LAMA2: variants seen among roughly 807,000 people sequenced by gnomAD.
LAMA2 encodes laminin subunit alpha 2.
In LAMA2, 269 loss-of-function variants were observed where a neutral mutation model predicts 364.8. That is an observed-to-expected ratio of 0.74 (90% confidence interval 0.67 to 0.82). The LOEUF (loss-of-function observed/expected upper bound fraction) is 0.82. LAMA2 is among the 40% of genes least tolerant of loss of function. The pLI is 0.00. For synonymous variants in LAMA2, 1,379 were observed against 1,370.6 expected, an observed-to-expected ratio of 1.01 and a Z score of -0.14; for missense variants, 3,807 against 3,873.2, an observed-to-expected ratio of 0.98 and a Z score of 0.45.
intron 29 of LAMA2, among the ~76,000 whole-genome samples, chr6:129,328,703 T>G (rs1320033014): frequency 6.6e-6 from 1 of 152,196 alleles, no homozygotes; most frequent in Non-Finnish European, 1.5e-5. Flanking sequence ...CTGATTATTT[T>G]CTTATAAATA....
rs866449854 is a variant in LAMA2, at chr6:129,401,265, G to A, written c.5487G>A (p.Glu1829=). The A allele has an allele frequency of 6.2e-7, 1 of 1,612,656 alleles. No individual in the cohort carries two copies. The highest frequency in any genetic ancestry group is 1.6e-4 in the Middle Eastern group (1 of 6,062). Residue 1829 remains glutamate, a synonymous_variant, in exon 38 of 65, where the codon GAG becomes GAA. Transcript: ENST00000421865. ...EAVESGKRQI[E]NTLKEGNDIL... is the part of the protein sequence containing the mutation. ...TTGAAAGCGGCAAACGACAAATTGA[G>A]AACACTTTAAAAGAGGGCAATGACA...
intron 1 of LAMA2, among the ~76,000 whole-genome samples, chr6:128,914,310 C>G (rs943961607): frequency 2.0e-5 from 3 of 152,118 alleles, no homozygotes; most frequent in African/African-American, 7.2e-5. Flanking sequence ...GAGATAAATG[C>G]TACTTAAATA....
rs1254930934 is a variant in LAMA2 at position 129,338,051 on chromosome 6, A to C, written c.4312-4292A>C. On this transcript the variant is annotated intron_variant, in intron 29 of 64. Coordinates refer to ENST00000421865, the MANE Select transcript of LAMA2 (RefSeq NM_000426.4). The stretch of plus-strand genomic sequence containing the variant: ...GTCAGCAACCCTCTGAAAGATTGAG[A>C]AGATTGACTGTCCAGAGAATATTAC... Among the ~76,000 whole-genome samples, 4 of 152,322 alleles carry C rather than the reference A, an allele frequency of 2.6e-5. No homozygotes were observed. The East Asian group carries it at 7.7e-4, about 29-fold the overall frequency.
intron 31 of LAMA2, among the ~76,000 whole-genome samples, chr6:129,352,843 A>G (rs1378686821): frequency 3.3e-5 from 5 of 152,194 alleles, no homozygotes; most frequent in African/African-American, 1.2e-4. Flanking sequence ...TTCAAACCTC[A>G]GGAAGAATCC....
chr6:129,374,966 C>T (rs1393239863), intron 34 of LAMA2, among the ~76,000 whole-genome samples: 2 of 151,324 alleles, frequency 1.3e-5, no homozygotes, highest in Admixed American at 6.6e-5. Context: ...GATTTAAGAG[C>T]ACATGTCAAG....
At chr6:129,485,964 C>A (rs1323228505) in intron 55 of LAMA2, among the ~76,000 whole-genome samples, 1 of 152,154 alleles carries the variant, frequency 6.6e-6, no homozygotes, top group Non-Finnish European at 1.5e-5. Context: ...AGCAGGCATG[C>A]TTGTGGATGA....
At chr6:128,927,748 A>C (rs944315285) in intron 1 of LAMA2, among the ~76,000 whole-genome samples, 3 of 152,210 alleles carry the variant, frequency 2.0e-5, no homozygotes, top group Middle Eastern at 3.4e-3. Context: ...TCTTGATTCT[A>C]TTTCGTTTTT....
At chr6:129,501,766 C>T (rs892529802) in intron 58 of LAMA2, among the ~76,000 whole-genome samples, 5 of 152,136 alleles carry the variant, frequency 3.3e-5, no homozygotes, top group African/African-American at 1.2e-4. Flanking sequence ...GCCTGTATAT[C>T]GACCTATCTT....
intron 32 of LAMA2, among the ~76,000 whole-genome samples, chr6:129,365,303 A>G (rs1168588491): frequency 6.6e-6 from 1 of 152,246 alleles, no homozygotes; most frequent in Admixed American, 6.5e-5. Flanking sequence ...CAAATAAATA[A>G]GTCAATAAAT....
intron 21 of LAMA2, 107 bp from the exon 22 acceptor site, chr6:129,300,629 G>A: frequency 8.9e-7 from 1 of 1,125,386 alleles, no homozygotes; most frequent in Non-Finnish European, 1.4e-6. Flanking sequence ...CTTAAGTGTA[G>A]AACTGAAAAG....
chr6:129,315,963 A>G lies in LAMA2; in HGVS notation c.3924+13A>G, dbSNP rs1774576780. 2 of 1,613,980 alleles carry G rather than the reference A, an allele frequency of 1.2e-6. No homozygotes were observed. Among genetic ancestry groups the G allele is most frequent in the South Asian group, 2.2e-5 (2 of 91,086 alleles). ...TGAAATGACAGAGGTAAAGTTAGTCATTGTTTGGTGCAAAGATACCAATCA... is the reference window on the plus strand; with the variant it reads ...TGAAATGACAGAGGTAAAGTTAGTCGTTGTTTGGTGCAAAGATACCAATCA... On this transcript the variant is annotated intron_variant, in intron 26 of 64. Coordinates refer to ENST00000421865, the MANE Select transcript of LAMA2 (RefSeq NM_000426.4).
rs1360958187 is a variant in LAMA2, at chr6:128,924,114, A to G, written c.112+40757A>G. Among the ~76,000 whole-genome samples, 3 of 152,174 alleles carry G rather than the reference A, an allele frequency of 2.0e-5. No homozygotes were observed. In the East Asian group the frequency reaches 5.8e-4, roughly 29 times the overall value. On this transcript the variant is annotated intron_variant, in intron 1 of 64. Transcript: ENST00000421865. ...GCAGAAGAAATATCCTCCTAAATCT[A>G]TTAAAATCATACTATGCTCTCAAAG...
At chr6:128,949,618 C>T (rs951695312) in intron 1 of LAMA2, among the ~76,000 whole-genome samples, 1 of 152,006 alleles carries the variant, frequency 6.6e-6, no homozygotes, top group African/African-American at 2.4e-5. Flanking sequence ...AAGGATGTCT[C>T]TTTGCAACTG....
At chr6:129,461,424 G>A (rs550918765) in intron 49 of LAMA2, among the ~76,000 whole-genome samples, 8 of 152,022 alleles carry the variant, frequency 5.3e-5, no homozygotes, top group South Asian at 4.1e-4. Context: ...GTTTGAAAGC[G>A]TGACCCATTC....
At chr6:129,005,984 C>T (rs1582857872) in intron 1 of LAMA2, among the ~76,000 whole-genome samples, 1 of 151,688 alleles carries the variant, frequency 6.6e-6, no homozygotes, top group African/African-American at 2.4e-5. Context: ...CTGTTTGAGA[C>T]TGTGTTTTTA....
intron 1 of LAMA2, among the ~76,000 whole-genome samples, chr6:128,883,799 T>C (rs868035015): frequency 0.043 from 5,834 of 134,990 alleles, 382 homozygotes; most frequent in African/African-American, 0.15. Context: ...TATATATATA[T>C]ATACACACAC....
intron 18 of LAMA2, among the ~76,000 whole-genome samples, chr6:129,283,928 G>A (rs2114403003): frequency 6.6e-6 from 1 of 152,084 alleles, no homozygotes; most frequent in South Asian, 2.1e-4. Context: ...GACTCCAGTT[G>A]AGGTGTCAAG....
intron 1 of LAMA2, among the ~76,000 whole-genome samples, chr6:129,023,935 TG>T (rs1785623638): frequency 1.3e-5 from 2 of 152,188 alleles, no homozygotes; most frequent in African/African-American, 4.8e-5. Flanking sequence ...TTTTTGTTGT[TG>T]TTGTTTTGGT....
chr6:128,922,904 T>A (rs1778831312), intron 1 of LAMA2, among the ~76,000 whole-genome samples: 1 of 151,932 alleles, frequency 6.6e-6, no homozygotes, highest in Non-Finnish European at 1.5e-5. Context: ...AAGGAAGGGA[T>A]CCAGTTTCAG....
Sources: allele counts gnomAD v4.1 joint callset (sites outside exome capture counted in the v4.1 genomes callset), GRCh38; gene constraint gnomAD v4.1.1; transcripts MANE v1.5; gene names NCBI Gene and HGNC (gene_info 2026-07-23, HGNC 2026-07-21).